C11orf65: variants seen among roughly 807,000 people sequenced by gnomAD.
C11orf65 encodes the protein chromosome 11 open reading frame 65.
C11orf65 carries 38 observed loss-of-function variants against 35.3 expected under a neutral mutation model. The observed-to-expected ratio is 1.08, with a 90% CI of 0.83 to 1.41. The LOEUF (loss-of-function observed/expected upper bound fraction) is 1.41. Ranked by LOEUF, C11orf65 falls within the 40% of genes most tolerant of loss-of-function variation. C11orf65 has a pLI of 0.00. For missense variants in C11orf65, 370 were observed against 367.1 expected (o/e 1.01, Z -0.06); for synonymous variants, 105 against 114.4 (o/e 0.92, Z 0.53).
At chr11:108,448,352 T>C (rs2093296248) in intron 2 of C11orf65, among the ~76,000 whole-genome samples, 1 of 152,194 alleles carries the variant, frequency 6.6e-6, no homozygotes, top group South Asian at 2.1e-4. Context: ...TTTAGGCCAA[T>C]ATCCTTGATG....
chr11:108,328,396 G>T (rs2085905640), downstream of C11orf65, among the ~76,000 whole-genome samples: 1 of 152,098 alleles, frequency 6.6e-6, no homozygotes, highest in Non-Finnish European at 1.5e-5. Flanking sequence ...ACAGGAGTGT[G>T]CCACCACACC....
chr11:108,376,292 C>T (rs1455821097), intron 2 of C11orf65, among the ~76,000 whole-genome samples: 1 of 151,688 alleles, frequency 6.6e-6, no homozygotes, highest in Non-Finnish European at 1.5e-5. Flanking sequence ...TCTCAGACCA[C>T]AGTGCAATCA....
downstream of C11orf65, chr11:108,331,192 C>A (rs1215204652): frequency 7.6e-6 from 9 of 1,185,426 alleles, no homozygotes; most frequent in African/African-American, 1.1e-4. Context: ...ATAAACAGTA[C>A]CAAGTATTCT....
downstream of C11orf65, among the ~76,000 whole-genome samples, chr11:108,330,717 T>C (rs996311570): frequency 6.6e-6 from 1 of 152,238 alleles, no homozygotes; most frequent in Non-Finnish European, 1.5e-5. Flanking sequence ...GCAGTTACCA[T>C]AGGAGAGGGT....
chr11:108,432,897 C>A (rs552789306), intron 2 of C11orf65, among the ~76,000 whole-genome samples: 1 of 152,166 alleles, frequency 6.6e-6, no homozygotes, highest in East Asian at 1.9e-4. Context: ...ACATAACAAA[C>A]CACCCTAAAA....
At chr11:108,408,709 A>G (rs1030633508) in intron 3 of C11orf65, among the ~76,000 whole-genome samples, 1 of 134,720 alleles carries the variant, frequency 7.4e-6, no homozygotes, top group Non-Finnish European at 1.6e-5. Flanking sequence ...AAAATAAAAT[A>G]AAATAAAATA....
intron 3 of C11orf65, among the ~76,000 whole-genome samples, chr11:108,424,501 G>T (rs1313766533): frequency 2.0e-5 from 3 of 152,080 alleles, no homozygotes; most frequent in South Asian, 4.1e-4. Context: ...GGAACACTCA[G>T]ATTCATAAAG....
In C11orf65 at chr11:108,392,764, T is replaced by A. The variant is rs2092196388; in HGVS notation, c.731+444A>T. ...TTGCATTTCCTTAATGGGGCTACAT[T>A]AAATATTCTAAAATTTCCCCCACAC... is the stretch of plus-strand genomic sequence containing the variant. On this transcript the variant is annotated intron_variant, in intron 7 of 8. Coordinates refer to ENST00000393084, the MANE Select transcript of C11orf65 (RefSeq NM_152587.5). Among the ~76,000 whole-genome samples, 3 of 152,338 alleles carry A rather than the reference T, an allele frequency of 2.0e-5. No individual in the cohort carries two copies. In the South Asian group the frequency reaches 6.2e-4, roughly 32 times the overall value.
intron 3 of C11orf65, among the ~76,000 whole-genome samples, chr11:108,426,235 A>G (rs1413160637): frequency 6.6e-6 from 1 of 152,222 alleles, no homozygotes; most frequent in Non-Finnish European, 1.5e-5. Context: ...ACATGATTGT[A>G]TATTTAGAAA....
intron 6 of C11orf65, among the ~76,000 whole-genome samples, chr11:108,404,794 A>G (rs537038553): frequency 9.1e-4 from 138 of 152,238 alleles, no homozygotes; most frequent in Admixed American, 1.6e-3. Flanking sequence ...CTATATGCCA[A>G]TACCACAATG....
chr11:108,381,927 T>G (rs1262114428), downstream of C11orf65, among the ~76,000 whole-genome samples: 1 of 114,770 alleles, frequency 8.7e-6, no homozygotes, highest in African/African-American at 2.9e-5. Context: ...CATTGCGGCT[T>G]CCTCCTTGCT....
chr11:108,314,735 G>T (rs984673230), intron 6 of C11orf65, among the ~76,000 whole-genome samples: 1 of 152,054 alleles, frequency 6.6e-6, no homozygotes, highest in Non-Finnish European at 1.5e-5. Flanking sequence ...AAGCCCTACC[G>T]ATGATATAAA....
chr11:108,367,638 A>G (rs2091403453), intron 2 of C11orf65: 2 of 209,734 alleles, frequency 9.5e-6, no homozygotes, highest in Admixed American at 5.9e-5. Context: ...AAGGTTATAT[A>G]AATTTTTTTC....
chr11:108,374,637 G>T (rs1341289208), intron 2 of C11orf65, among the ~76,000 whole-genome samples: 1 of 152,232 alleles, frequency 6.6e-6, no homozygotes, highest in Non-Finnish European at 1.5e-5. Context: ...GCTGGATGGA[G>T]AATGACTTTG....
chr11:108,419,781 C>T (rs2092788968), intron 3 of C11orf65, among the ~76,000 whole-genome samples: 5 of 152,122 alleles, frequency 3.3e-5, no homozygotes, highest in Admixed American at 3.3e-4. Context: ...GATTCTATAA[C>T]AAACAAACAA....
At chr11:108,322,799 T>G (rs1474444397) in intron 6 of C11orf65, among the ~76,000 whole-genome samples, 2 of 152,108 alleles carry the variant, frequency 1.3e-5, no homozygotes, top group African/African-American at 4.8e-5. Context: ...TAAAATTGTT[T>G]CCTCATGTTT....
intron 2 of C11orf65, chr11:108,367,722 T>C: frequency 4.6e-6 from 1 of 216,714 alleles, no homozygotes; most frequent in Non-Finnish European, 9.3e-6. Flanking sequence ...CACCTTCCCC[T>C]CCCCTAAAAC....
At chr11:108,418,925 T>C (rs923041078) in intron 3 of C11orf65, among the ~76,000 whole-genome samples, 4 of 152,114 alleles carry the variant, frequency 2.6e-5, no homozygotes, top group Non-Finnish European at 5.9e-5. Context: ...ATACAACTTA[T>C]CAGAGCTAGC....
intron 3 of C11orf65, chr11:108,331,746 C>T: frequency 7.8e-7 from 1 of 1,282,576 alleles, no homozygotes; most frequent in Non-Finnish European, 1.1e-6. Flanking sequence ...CTTTTTCTCA[C>T]ACATGCAGGC....
Sources: allele counts gnomAD v4.1 joint callset (sites outside exome capture counted in the v4.1 genomes callset), GRCh38; gene constraint gnomAD v4.1.1; transcripts MANE v1.5; gene names NCBI Gene and HGNC (gene_info 2026-07-23, HGNC 2026-07-21).